The following DAB1 variants were observed in gnomAD, a reference collection of about 807,000 sequenced individuals.
DAB1 encodes the protein disabled homolog 1.
A neutral mutation model predicts 64.6 loss-of-function variants in DAB1; 15 were observed. That is an observed-to-expected ratio of 0.23 (90% CI 0.16 to 0.36). DAB1 has a LOEUF of 0.36. DAB1 is among the 10% of genes least tolerant of loss of function. DAB1 has a pLI of 1.00. For synonymous variants in DAB1, 235 were observed against 251.9 expected (o/e 0.93, Z 0.64); for missense variants, 596 against 706.7 (o/e 0.84, Z 1.78).
chr1:57,195,939 G>GA (rs1259958105), intron 2 of DAB1, among the ~76,000 whole-genome samples: 47 of 151,998 alleles, frequency 3.1e-4, no homozygotes, highest in African/African-American at 2.4e-5. Flanking sequence ...ATAAGCCAGA[G>GA]AAAAAATAGT....
chr1:57,715,431 C>G (rs1379988952), intron 6 of DAB1, among the ~76,000 whole-genome samples: 1 of 152,066 alleles, frequency 6.6e-6, no homozygotes, highest in South Asian at 2.1e-4. Flanking sequence ...CTAGCCAGAG[C>G]AATTAGGCAG....
rs950944096 is a variant in DAB1, at chr1:57,685,546, T to C, written n.552-35881A>G. Among the ~76,000 whole-genome samples the C allele has an allele frequency of 2.0e-5, 3 of 152,300 alleles. No homozygotes were observed. In the South Asian group the frequency reaches 6.2e-4, roughly 32 times the overall value. ...GAAATTCTGGACTTAAAGTTGACAC[T>C]AGACCAATTGGACCTAATAGACATC... On this transcript the variant is annotated intron_variant and non_coding_transcript_variant, in intron 6 of 20. Coordinates refer to the DAB1 transcript ENST00000485760.
rs559515556 is a variant in DAB1, at chr1:57,186,859, T to C, written c.68-41430A>G. ...GTGTCAATTTCTTAAGGAATAATTA[T>C]GCTCTGTAACTGAATAACAGACTGG... On this transcript the variant is annotated intron_variant, in intron 2 of 14. Transcript: ENST00000371236. Among the ~76,000 whole-genome samples, 6 of 152,330 alleles carry C rather than the reference T, an allele frequency of 3.9e-5. No individual in the cohort carries two copies. The East Asian group carries it at 7.7e-4, about 20-fold the overall frequency.
intron 5 of DAB1, among the ~76,000 whole-genome samples, chr1:58,109,444 T>C (rs1213623766): frequency 6.6e-6 from 1 of 152,134 alleles, no homozygotes; most frequent in Non-Finnish European, 1.5e-5. Flanking sequence ...GAGAATTGAA[T>C]AATCGGACTT....
intron 5 of DAB1, among the ~76,000 whole-genome samples, chr1:57,917,699 T>G (rs1398198834): frequency 6.6e-6 from 1 of 152,180 alleles, no homozygotes; most frequent in Non-Finnish European, 1.5e-5. Flanking sequence ...GGAATCCATT[T>G]GCTGTTGTCC....
rs1294723965 is a variant in DAB1 at position 57,291,146 on chromosome 1, T to C, written c.-116A>G. The C allele has an allele frequency of 3.6e-6, 2 of 555,270 alleles. No homozygotes were observed. Among genetic ancestry groups the C allele is most frequent in the Non-Finnish European group, 6.4e-6 (2 of 313,174 alleles). The allele number at this position is 555,270 out of a possible 1,614,324, so 34.4% of individuals were successfully genotyped here. ...AGAAATGACACTCTGAGCTGCACAT[T>C]TCATTCACTCTTTTTGAGTGCTGCA... On this transcript the variant is annotated 5_prime_UTR_variant, in exon 2 of 15. Transcript: ENST00000371236.
intron 5 of DAB1, among the ~76,000 whole-genome samples, chr1:57,996,547 C>T (rs1024766197): frequency 1.3e-5 from 2 of 152,152 alleles, no homozygotes; most frequent in Admixed American, 6.5e-5. Context: ...TGAGCCCTTG[C>T]TTTGATCCTT....
chr1:57,014,846 C>T, intron 12 of DAB1, 37 bp downstream of exon 12: 1 of 1,502,972 alleles, frequency 6.7e-7, no homozygotes, highest in Non-Finnish European at 8.9e-7. Context: ...AGTTACGGCT[C>T]TCATTGGGTT....
intron 6 of DAB1, among the ~76,000 whole-genome samples, chr1:57,714,179 C>T (rs1408140): frequency 0.25 from 37,594 of 151,952 alleles, 5,487 homozygotes; most frequent in Admixed American, 0.36. Context: ...GTAATTTACA[C>T]GTTACCTCAT....
At chr1:58,142,324 T>A (rs1279193736) in intron 5 of DAB1, among the ~76,000 whole-genome samples, 2 of 152,258 alleles carry the variant, frequency 1.3e-5, no homozygotes, top group Non-Finnish European at 2.9e-5. Flanking sequence ...ACAGTTTTCA[T>A]GGAACAGTGA....
intron 5 of DAB1, among the ~76,000 whole-genome samples, chr1:58,062,165 C>G (rs1046339614): frequency 6.6e-6 from 1 of 152,186 alleles, no homozygotes; most frequent in Admixed American, 6.5e-5. Flanking sequence ...TCCAATAACA[C>G]TCGCAGTTTG....
chr1:57,667,004 C>T (rs929425955), intron 6 of DAB1, among the ~76,000 whole-genome samples: 5 of 152,080 alleles, frequency 3.3e-5, no homozygotes, highest in Non-Finnish European at 7.4e-5. Context: ...AACTTCATGT[C>T]CCACCATCCT....
intron 5 of DAB1, among the ~76,000 whole-genome samples, chr1:58,049,615 T>C (rs1236457893): frequency 6.6e-6 from 1 of 152,198 alleles, no homozygotes; most frequent in Non-Finnish European, 1.5e-5. Context: ...AGCATGGATT[T>C]TGGATCCAGA....
At chr1:58,018,278 T>G (rs1036826455) in intron 5 of DAB1, among the ~76,000 whole-genome samples, 3 of 152,114 alleles carry the variant, frequency 2.0e-5, no homozygotes, top group Non-Finnish European at 1.5e-5. Context: ...TCTCATTTTG[T>G]CTTTCCTTCA....
chr1:57,014,787 T>C (rs1462225077), intron 12 of DAB1, 96 bp downstream of exon 12: 3 of 994,418 alleles, frequency 3.0e-6, no homozygotes, highest in Non-Finnish European at 4.4e-6. Flanking sequence ...GCCTGATTAA[T>C]GCAAGTGAGA....
At chr1:58,511,936 C>G (rs1646083960) in intron 2 of DAB1, among the ~76,000 whole-genome samples, 1 of 152,058 alleles carries the variant, frequency 6.6e-6, no homozygotes, top group Admixed American at 6.6e-5. Context: ...TACCAAAAAG[C>G]TCTGCACAGC....
intron 2 of DAB1, among the ~76,000 whole-genome samples, chr1:57,181,078 G>A (rs1255008852): frequency 1.3e-5 from 2 of 152,202 alleles, no homozygotes; most frequent in East Asian, 3.8e-4. Flanking sequence ...CCAAATGTCT[G>A]ACCCTATCTC....
intron 4 of DAB1, among the ~76,000 whole-genome samples, chr1:57,130,370 A>G (rs1005726978): frequency 2.0e-5 from 3 of 152,136 alleles, no homozygotes; most frequent in Non-Finnish European, 4.4e-5. Flanking sequence ...AAGAAAAATT[A>G]CTTTAAACTA....
At chr1:57,009,812 C>T (rs749860227) in intron 14 of DAB1, among the ~76,000 whole-genome samples, 19 of 152,166 alleles carry the variant, frequency 1.2e-4, no homozygotes, top group African/African-American at 4.3e-4. Flanking sequence ...CTCTTTCTTT[C>T]GATCAAATCA....
Sources: allele counts gnomAD v4.1 joint callset (sites outside exome capture counted in the v4.1 genomes callset), GRCh38; gene constraint gnomAD v4.1.1; transcripts MANE v1.5; gene names NCBI Gene and HGNC (gene_info 2026-07-23, HGNC 2026-07-21).